ABCG2: variants seen among roughly 807,000 people sequenced by gnomAD.
ABCG2 encodes the protein ATP binding cassette subfamily G member 2 (JR blood group).
Under a neutral mutation model 73.5 loss-of-function variants are expected in ABCG2, and 80 were observed. The ratio of observed to expected loss-of-function variants is 1.09; its 90% CI spans 0.91 to 1.31. ABCG2 has a LOEUF of 1.31. ABCG2 is among the 50% of genes most tolerant of loss of function. The pLI, the probability that ABCG2 is intolerant of heterozygous loss-of-function variation, is 0.00. For missense variants in ABCG2, 796 were observed against 786.2 expected, an observed-to-expected ratio of 1.01 and a Z score of -0.15; for synonymous variants, 269 against 282.4, an observed-to-expected ratio of 0.95 and a Z score of 0.48.
Position 88,092,033 on chromosome 4 carries a change from T to C in ABCG2, c.*201A>G, listed in dbSNP as rs1192436641. On this transcript the variant is annotated 3_prime_UTR_variant, in exon 16 of 16. Coordinates refer to ENST00000237612, the MANE Select transcript of ABCG2 (RefSeq NM_004827.3). ...TACTGTCTGAGGAGATTAACTAATA[T>C]GCGATACATGATGTCTTGGGTTCTT... The C allele has an allele frequency of 2.4e-5, 12 of 498,788 alleles. No homozygotes were observed. Among genetic ancestry groups the C allele is most frequent in the Non-Finnish European group, 3.9e-5 (11 of 284,848 alleles). The allele number at this position is 498,788 out of a possible 1,614,324, so 30.9% of individuals were successfully genotyped here. A position where few individuals can be genotyped will look rare whatever the true frequency, so the allele number is the denominator to read the frequency against.
chr4:88,173,218 T>A (rs1727827845), intron 1 of ABCG2, among the ~76,000 whole-genome samples: 1 of 152,244 alleles, frequency 6.6e-6, no homozygotes, highest in Admixed American at 6.5e-5. Context: ...CAAACCCCTA[T>A]GTATCAATCT....
intron 1 of ABCG2, among the ~76,000 whole-genome samples, chr4:88,172,840 G>GCA (rs1727810176): frequency 6.6e-6 from 1 of 152,032 alleles, no homozygotes; most frequent in African/African-American, 2.4e-5. Flanking sequence ...CAGACAGTAT[G>GCA]CATGAAGATA....
At chr4:88,171,156 A>G (rs1183587386) in intron 1 of ABCG2, among the ~76,000 whole-genome samples, 1 of 152,060 alleles carries the variant, frequency 6.6e-6, no homozygotes, top group Non-Finnish European at 1.5e-5. Flanking sequence ...CAGAAAAAAT[A>G]ACTTGGGTAC....
chr4:88,211,984 A>G (rs374928268), intron 1 of ABCG2, among the ~76,000 whole-genome samples: 2 of 152,210 alleles, frequency 1.3e-5, no homozygotes, highest in East Asian at 1.9e-4. Context: ...CAGCTAGTTC[A>G]TTCTTAAATT....
In ABCG2 at chr4:88,090,876, A is replaced by G. The variant is rs1252674345; in HGVS notation, c.*1358T>C. The G allele has an allele frequency of 2.0e-5, 3 of 152,238 alleles. No homozygotes were observed. The highest frequency in any genetic ancestry group is 7.2e-5 in the African/African-American group (3 of 41,462). The allele number at this position is 152,238 out of a possible 1,614,324, so 9.4% of individuals were successfully genotyped here. A position where few individuals can be genotyped will look rare whatever the true frequency, so the allele number is the denominator to read the frequency against. ...TGACAAATGCATCTTGCTATATAAAATGTTAACATTAAGGGAAGCTGAGCA... is the reference window on the plus strand; with the variant it reads ...TGACAAATGCATCTTGCTATATAAAGTGTTAACATTAAGGGAAGCTGAGCA... On this transcript the variant is annotated 3_prime_UTR_variant, in exon 16 of 16. Coordinates refer to ENST00000237612, the MANE Select transcript of ABCG2 (RefSeq NM_004827.3).
At position 88,101,280 on chromosome 4, in the gene ABCG2, G is replaced by A. The variant is rs762182143; in HGVS notation, c.1317C>T (p.Phe439=). ...AGAGTTCCACGGCTGAAACACTGCTGAAACACTGGTTGGTCGTCAGGAAGA... is the reference window on the plus strand; with the variant it reads ...AGAGTTCCACGGCTGAAACACTGCTAAAACACTGGTTGGTCGTCAGGAAGA... ...VLFFLTTNQC[F]SSVSAVELFV... The change falls in exon 11 of 16, where the codon TTC becomes TTT. Residue 439 remains phenylalanine (F), a synonymous_variant. Transcript: ENST00000237612. The A allele has an allele frequency of 1.9e-6, 3 of 1,613,996 alleles. No individual in the cohort carries two copies. The highest frequency in any genetic ancestry group is 2.5e-6 in the Non-Finnish European group (3 of 1,180,028).
At chr4:88,121,995 A>T (rs1724034863) in intron 5 of ABCG2, among the ~76,000 whole-genome samples, 1 of 152,116 alleles carries the variant, frequency 6.6e-6, no homozygotes, top group African/African-American at 2.4e-5. Flanking sequence ...ACAGCTGGTC[A>T]GTAACTAAGC....
At chr4:88,115,567 A>T (rs1398221488) in intron 7 of ABCG2, among the ~76,000 whole-genome samples, 4 of 149,238 alleles carry the variant, frequency 2.7e-5, no homozygotes, top group Non-Finnish European at 5.9e-5. Flanking sequence ...TACAGGCATG[A>T]GCTACTGTTC....
intron 8 of ABCG2, among the ~76,000 whole-genome samples, chr4:88,114,607 A>T (rs1364725169): frequency 6.6e-6 from 1 of 150,568 alleles, no homozygotes; most frequent in Non-Finnish European, 1.5e-5. Context: ...AGCCTGGGTG[A>T]CAAGAGCTAG....
chr4:88,119,372 T>C (rs1343635485), intron 6 of ABCG2, among the ~76,000 whole-genome samples: 2 of 152,232 alleles, frequency 1.3e-5, no homozygotes, highest in Admixed American at 1.3e-4. Flanking sequence ...AGCAGGATGC[T>C]GCTGTAAGAT....
At chr4:88,104,783 G>T (rs1399904785) in intron 10 of ABCG2, among the ~76,000 whole-genome samples, 1 of 152,144 alleles carries the variant, frequency 6.6e-6, no homozygotes, top group East Asian at 1.9e-4. Flanking sequence ...GTGAGATTCT[G>T]TTTCAAAAAC....
chr4:88,216,378 T>C (rs1202241109), intron 1 of ABCG2, among the ~76,000 whole-genome samples: 1 of 152,232 alleles, frequency 6.6e-6, no homozygotes. Flanking sequence ...TGTATCACGA[T>C]GGTGGAGGTT....
chr4:88,179,539 G>A (rs1214537862), intron 1 of ABCG2, among the ~76,000 whole-genome samples: 3 of 152,098 alleles, frequency 2.0e-5, no homozygotes, highest in Non-Finnish European at 4.4e-5. Context: ...AGGAAAACAT[G>A]ACCTCACTAA....
At chr4:88,192,122 G>A (rs977250034) in intron 1 of ABCG2, among the ~76,000 whole-genome samples, 7 of 151,590 alleles carry the variant, frequency 4.6e-5, no homozygotes, top group Non-Finnish European at 8.8e-5. Flanking sequence ...TGGAGGTTGC[G>A]GTGAGCCAAG....
chr4:88,160,615 C>T (rs1017119463), upstream of ABCG2, among the ~76,000 whole-genome samples: 4 of 151,562 alleles, frequency 2.6e-5, no homozygotes, highest in South Asian at 2.1e-4. Context: ...TTTGGGAGGC[C>T]GAGGCAGGTG....
intron 1 of ABCG2, among the ~76,000 whole-genome samples, chr4:88,149,836 A>T (rs925606001): frequency 6.6e-6 from 1 of 152,058 alleles, no homozygotes; most frequent in Non-Finnish European, 1.5e-5. Context: ...GGGCAACAAG[A>T]GCGAAACTCT....
chr4:88,139,898 T>G lies in ABCG2; in HGVS notation c.98A>C (p.Glu33Ala). Residue 33 changes from glutamate to alanine, a missense_variant, in exon 2 of 16, where the codon GAA (glutamate) becomes GCA (alanine). Glu to Ala is a moderately radical substitution (Grantham distance 107). Transcript: ENST00000237612. ...TASNDLKAFT[E>A]GAVLSFHNIC... ...GTTATGAAAACTTAACACAGCTCCT[T>G]CAGTAAATGCCTTCAGGTCATTGGA... The G allele has an allele frequency of 6.2e-7, 1 of 1,614,148 alleles. No homozygotes were observed. The highest frequency in any genetic ancestry group is 8.5e-7 in the Non-Finnish European group (1 of 1,180,012).
chr4:88,213,905 T>C (rs544531077), intron 1 of ABCG2, among the ~76,000 whole-genome samples: 1 of 151,186 alleles, frequency 6.6e-6, no homozygotes, highest in East Asian at 1.9e-4. Context: ...ATGGTCTTGA[T>C]CTCCTGACCT....
At chr4:88,125,606 T>G in intron 5 of ABCG2, among the ~76,000 whole-genome samples, 1 of 22,652 alleles carries the variant, frequency 4.4e-5, no homozygotes, top group East Asian at 2.0e-3. Context: ...AGACTCTGTC[T>G]CAAAAAAAAA....
Sources: allele counts gnomAD v4.1 joint callset (sites outside exome capture counted in the v4.1 genomes callset), GRCh38; gene constraint gnomAD v4.1.1; transcripts MANE v1.5; gene names NCBI Gene and HGNC (gene_info 2026-07-23, HGNC 2026-07-21).